Variants in DDHD1 observed in about 807,000 individuals in gnomAD.
DDHD1 encodes phospholipase DDHD1.
A neutral mutation model predicts 96.4 loss-of-function variants in DDHD1; 49 were observed. The ratio of observed to expected loss-of-function variants is 0.51; its 90% confidence interval spans 0.40 to 0.64. DDHD1 has a LOEUF of 0.64. DDHD1 is among the 30% of genes least tolerant of loss of function. DDHD1 has a pLI of 0.00. For synonymous variants in DDHD1, 442 were observed against 446.5 expected (o/e 0.99, Z 0.13); for missense variants, 1,106 against 1,161.2 (o/e 0.95, Z 0.69).
intron 12 of DDHD1, among the ~76,000 whole-genome samples, chr14:53,048,027 G>A (rs1882182351): frequency 6.6e-6 from 1 of 152,048 alleles, no homozygotes; most frequent in Non-Finnish European, 1.5e-5. Flanking sequence ...GAAAAAGTTG[G>A]GTTTTGCTTT....
At chr14:53,117,887 G>A (rs1888673917) in intron 1 of DDHD1, among the ~76,000 whole-genome samples, 2 of 152,148 alleles carry the variant, frequency 1.3e-5, no homozygotes, top group Admixed American at 1.3e-4. Flanking sequence ...GCCTGACTGG[G>A]AAACACCTCC....
chr14:53,087,255 G>A (rs542659679), intron 4 of DDHD1, among the ~76,000 whole-genome samples: 1 of 152,192 alleles, frequency 6.6e-6, no homozygotes, highest in South Asian at 2.1e-4. Flanking sequence ...GGATCAACGA[G>A]ATAGAAGGTT....
chr14:53,127,392 A>T (rs1276622039), intron 1 of DDHD1, among the ~76,000 whole-genome samples: 1 of 152,254 alleles, frequency 6.6e-6, no homozygotes, highest in East Asian at 1.9e-4. Flanking sequence ...TCAGCTTATC[A>T]TCTATAACAT....
chr14:53,098,099 C>G (rs1451596312), intron 2 of DDHD1, among the ~76,000 whole-genome samples: 1 of 151,854 alleles, frequency 6.6e-6, no homozygotes, highest in Non-Finnish European at 1.5e-5. Flanking sequence ...TCGATCCAAA[C>G]AAAGATCACT....
At chr14:53,093,632 TTA>T in intron 2 of DDHD1, 188 bp from the exon 3 acceptor site, 1 of 595,590 alleles carries the variant, frequency 1.7e-6, no homozygotes, top group South Asian at 2.4e-5. Flanking sequence ...GGACTTTATT[TTA>T]TAAATGATTA....
chr14:53,124,777 ATTAG>A (rs1481433140), intron 1 of DDHD1, among the ~76,000 whole-genome samples: 3 of 152,248 alleles, frequency 2.0e-5, no homozygotes, highest in Admixed American at 1.3e-4. Flanking sequence ...TTGTCTCTGT[ATTAG>A]TTAGCTAGGG....
rs771285016 is a variant in DDHD1 at position 53,152,999 on chromosome 14, A to C, written c.100T>G (p.Phe34Val). Residue 34 changes from phenylalanine to valine, a missense_variant, in exon 1 of 13, where the codon TTC becomes GTC. Around this residue, in one of 2 missense-constraint regions of DDHD1, gnomAD observed 456 missense variants for 402.4 expected, o/e 1.13. Transcript: ENST00000673822. ...TCGAAGCAGCAGACGCCGCCGCCGAACGCTGGCCTCGCGTCTGAGCCCAGC... is the reference window on the plus strand; with the variant it reads ...TCGAAGCAGCAGACGCCGCCGCCGACCGCTGGCCTCGCGTCTGAGCCCAGC... Reference protein sequence around the residue: ...WELGSDARPAFGGGVCCFEHL... With the variant: ...WELGSDARPAVGGGVCCFEHL... The C allele has an allele frequency of 3.8e-4, 584 of 1,541,430 alleles. No individual in the cohort carries two copies. Among genetic ancestry groups the C allele is most frequent in the Non-Finnish European group, 3.5e-4 (407 of 1,146,846 alleles).
rs148782241 is a variant in DDHD1, at chr14:53,054,448, G to A, written c.2427C>T (p.Leu809=). 1.4e-5 allele frequency: 22 copies of A among 1,613,168 alleles called. No individual in the cohort carries two copies. The highest frequency in any genetic ancestry group is 2.7e-5 in the African/African-American group (2 of 74,892). ...QTLPHSSSGF[L]DSAYFRLQES... Reference sequence around the variant, plus strand: ...AATGTATGAACTAACATGCAGAATCGAGGAAGCCAGAACTGCTATGTGGAA... The same window carrying A: ...AATGTATGAACTAACATGCAGAATCAAGGAAGCCAGAACTGCTATGTGGAA... The change falls in exon 11 of 13, where the codon CTC becomes CTT. Residue 809 remains leucine, a synonymous_variant. Transcript: ENST00000673822.
chr14:53,133,924 T>C (rs938533967), intron 1 of DDHD1, among the ~76,000 whole-genome samples: 5 of 152,122 alleles, frequency 3.3e-5, no homozygotes, highest in African/African-American at 1.2e-4. Context: ...CCAACTGCCG[T>C]CCGCCTACAG....
chr14:53,152,820 G>A lies in DDHD1; in HGVS notation c.279C>T (p.Ser93=), dbSNP rs1471497599. Residue 93 remains serine (S), a synonymous_variant, in exon 1 of 13, where the codon TCC becomes TCT. Coordinates refer to ENST00000673822, the MANE Select transcript of DDHD1 (RefSeq NM_001160148.2). ...AGCGCAGCGAGGAGCCCGACTCGGCGGAGCTGAAGTCATAGTTCTCGTCAC... is the reference window on the plus strand; with the variant it reads ...AGCGCAGCGAGGAGCCCGACTCGGCAGAGCTGAAGTCATAGTTCTCGTCAC... ...CLSDENYDFS[S]AESGSSLRYY... 6.2e-7 allele frequency: 1 copy of A among 1,611,700 alleles called. No homozygotes were observed. Among genetic ancestry groups the A allele is most frequent in the Admixed American group, 1.7e-5 (1 of 59,950 alleles).
intron 1 of DDHD1, among the ~76,000 whole-genome samples, chr14:53,135,593 A>C (rs75903479): frequency 0.01 from 1,538 of 152,324 alleles, 32 homozygotes; most frequent in African/African-American, 0.035. Flanking sequence ...CAGCCGCATG[A>C]TCTGTATTAG....
chr14:53,110,276 A>T (rs1469998133), intron 1 of DDHD1, among the ~76,000 whole-genome samples: 1 of 152,236 alleles, frequency 6.6e-6, no homozygotes. Context: ...CCTCCTACGT[A>T]AACTCAGTAT....
intron 4 of DDHD1, among the ~76,000 whole-genome samples, chr14:53,090,822 G>T (rs1476287273): frequency 6.6e-6 from 1 of 151,892 alleles, no homozygotes; most frequent in Admixed American, 6.5e-5. Context: ...GTATACATAT[G>T]TAACAATCCT....
At chr14:53,111,237 C>T (rs1178710693) in intron 1 of DDHD1, among the ~76,000 whole-genome samples, 1 of 152,156 alleles carries the variant, frequency 6.6e-6, no homozygotes, top group Non-Finnish European at 1.5e-5. Flanking sequence ...CAGATCAGCC[C>T]CTGAACTATT....
chr14:53,131,480 C>T (rs1889861748), intron 1 of DDHD1, among the ~76,000 whole-genome samples: 1 of 152,126 alleles, frequency 6.6e-6, no homozygotes, highest in East Asian at 1.9e-4. Context: ...GGTGCCAAAC[C>T]CATATACTTT....
intron 1 of DDHD1, among the ~76,000 whole-genome samples, chr14:53,115,517 A>T (rs1888474646): frequency 6.6e-6 from 1 of 152,250 alleles, no homozygotes; most frequent in South Asian, 2.1e-4. Flanking sequence ...TATCAGATTA[A>T]CATCAGATTT....
At position 53,038,770 on chromosome 14, in the gene DDHD1, A is replaced by G. The variant is rs1346280963; in HGVS notation, c.*7998T>C. 6.6e-6 allele frequency: 1 copy of G among 152,196 alleles called. No homozygotes were observed. The highest frequency in any genetic ancestry group is 1.9e-4 in the East Asian group (1 of 5,202). The allele number at this position is 152,196 out of a possible 1,614,324, so 9.4% of individuals were successfully genotyped here. A position where few individuals can be genotyped will look rare whatever the true frequency, so the allele number is the denominator to read the frequency against. ...CAGAAAGAACAAAGCCAGCAGCATC[A>G]CACAGATGTGGCTTCAAACTATAAG... On this transcript the variant is annotated 3_prime_UTR_variant, in exon 13 of 13. Transcript: ENST00000673822.
At chr14:53,100,282 C>T (rs2139708563) in intron 2 of DDHD1, among the ~76,000 whole-genome samples, 1 of 151,948 alleles carries the variant, frequency 6.6e-6, no homozygotes, top group East Asian at 1.9e-4. Context: ...TCAAGACCAG[C>T]CTGGGCAACA....
At chr14:53,097,924 A>G (rs148302425) in intron 2 of DDHD1, among the ~76,000 whole-genome samples, 175 of 152,100 alleles carry the variant, frequency 1.2e-3, no homozygotes, top group African/African-American at 3.9e-3. Flanking sequence ...ACAAAATTAA[A>G]CAGACATGGT....
Sources: allele counts gnomAD v4.1 joint callset (sites outside exome capture counted in the v4.1 genomes callset), GRCh38; gene constraint gnomAD v4.1.1; regional missense constraint gnomAD v4.1.1; transcripts MANE v1.5; gene names NCBI Gene and HGNC (gene_info 2026-07-23, HGNC 2026-07-21).